Variants in OR3A2 observed in about 807,000 individuals in gnomAD.
OR3A2 encodes olfactory receptor family 3 subfamily A member 2.
For synonymous variants in OR3A2, 126 were observed against 159.3 expected (o/e 0.79, Z 1.57); for missense variants, 318 against 392.8 (o/e 0.81, Z 1.61).
intron 2 of OR3A2, among the ~76,000 whole-genome samples, chr17:3,366,040 T>C (rs1025247779): frequency 6.6e-6 from 1 of 152,170 alleles, no homozygotes; most frequent in African/African-American, 2.4e-5. Flanking sequence ...GTCCTGTGTA[T>C]GTTCACTCAA....
intron 3 of OR3A2, among the ~76,000 whole-genome samples, chr17:3,307,193 T>C (rs1416413986): frequency 6.6e-5 from 10 of 152,188 alleles, no homozygotes; most frequent in Non-Finnish European, 1.5e-5. Flanking sequence ...TCATAGGCAG[T>C]TTCTGGAAAG....
intron 3 of OR3A2, among the ~76,000 whole-genome samples, chr17:3,302,806 C>T (rs2048975176): frequency 6.6e-6 from 1 of 152,156 alleles, no homozygotes; most frequent in South Asian, 2.1e-4. Context: ...CTGTCATGCA[C>T]TGTGTGAGCC....
chr17:3,296,685 T>C (rs185119942), intron 3 of OR3A2, among the ~76,000 whole-genome samples: 370 of 152,248 alleles, frequency 2.4e-3, no homozygotes, highest in Non-Finnish European at 4.2e-3. Flanking sequence ...AAATTGGACA[T>C]AATTGGTAAA....
At chr17:3,287,773 T>A (rs9303169), upstream of OR3A2, among the ~76,000 whole-genome samples, 1 of 151,924 alleles carries the variant, frequency 6.6e-6, no homozygotes, top group Non-Finnish European at 1.5e-5. Flanking sequence ...GGTGGCAGCA[T>A]TGGTCTCAGT....
intron 2 of OR3A2, among the ~76,000 whole-genome samples, chr17:3,347,050 T>C (rs945733870): frequency 3.9e-5 from 6 of 152,172 alleles, no homozygotes; most frequent in African/African-American, 9.6e-5. Flanking sequence ...TTTTGATATA[T>C]ACGTAGCAGC....
chr17:3,278,555 C>T, exon 2 of OR3A2: 1 of 1,612,318 alleles, frequency 6.2e-7, no homozygotes, highest in South Asian at 1.1e-5. Flanking sequence ...GGTCATAGGC[C>T]ATGGCGGTCA....
At chr17:3,359,100 C>T (rs924692042) in intron 2 of OR3A2, among the ~76,000 whole-genome samples, 1 of 151,788 alleles carries the variant, frequency 6.6e-6, no homozygotes, top group African/African-American at 2.4e-5. Flanking sequence ...AGGATTGCAA[C>T]CCCTGCTTCC....
chr17:3,371,996 T>A (rs1169250761), intron 2 of OR3A2, among the ~76,000 whole-genome samples: 2 of 90,056 alleles, frequency 2.2e-5, no homozygotes, highest in African/African-American at 1.0e-4. Context: ...ACGGGGTGGC[T>A]GCCGGGCAGA....
At chr17:3,359,870 G>A (rs375625754) in intron 2 of OR3A2, among the ~76,000 whole-genome samples, 16 of 151,750 alleles carry the variant, frequency 1.1e-4, no homozygotes, top group East Asian at 3.9e-4. Flanking sequence ...GAGTAGTGCC[G>A]CAATAAACAT....
At chr17:3,344,798 C>A (rs2049348694) in intron 2 of OR3A2, among the ~76,000 whole-genome samples, 1 of 152,158 alleles carries the variant, frequency 6.6e-6, no homozygotes, top group African/African-American at 2.4e-5. Flanking sequence ...GGAAGGGCAT[C>A]TGACCCAAGT....
At chr17:3,341,516 C>G (rs1437564556) in intron 2 of OR3A2, among the ~76,000 whole-genome samples, 2 of 152,148 alleles carry the variant, frequency 1.3e-5, no homozygotes, top group East Asian at 3.8e-4. Context: ...TTCTCCTTCA[C>G]TTATGAAGCT....
Position 3,311,813 on chromosome 17 carries a change from GGATTGGGATCCTCA to G in OR3A2, c.-85+24206_-85+24219del. On this transcript the variant is annotated intron_variant, in intron 3 of 4. Transcript: ENST00000573491. The surrounding 1 kb of genome is among the most constrained non-coding windows in gnomAD (Gnocchi z 4.6). ...GTCTCAGCCTCAGACAAAGATAAGG[GGATTGGGATCCTCA>G]ACACTATCCTCAGTCCCATGCTGAA... 2 of 197,696 alleles carry G rather than the reference GGATTGGGATCCTCA, an allele frequency of 1.0e-5. No homozygotes were observed. Among genetic ancestry groups the G allele is most frequent in the Non-Finnish European group, 2.1e-5 (2 of 93,832 alleles). The allele number at this position is 197,696 out of a possible 1,614,324, so 12.2% of individuals were successfully genotyped here.
chr17:3,277,217 T>C (rs62089496), exon 2 of OR3A2: 30,009 of 151,894 alleles, frequency 0.2, 3,906 homozygotes, highest in African/African-American at 0.35. Context: ...TCAGCCACCC[T>C]GCGCCCAGTC....
In OR3A2 at chr17:3,382,603, C is replaced by A. The variant is rs115367966; in HGVS notation, c.-179+1201G>T. On this transcript the variant is annotated intron_variant, in intron 2 of 4. Transcript: ENST00000573491. ...TGTCCTATTTTCCTCCCTGACCCCA[C>A]GTCCAAACTCTGCCTTACAGCACTA... 5.2e-3 allele frequency among the ~76,000 whole-genome samples: 789 copies of A among 152,332 alleles called. 8 individuals carry two copies. Among genetic ancestry groups the A allele is most frequent in the African/African-American group, 0.018 (757 of 41,564 alleles).
chr17:3,299,268 G>GA (rs1225195005), intron 3 of OR3A2, among the ~76,000 whole-genome samples: 2 of 152,162 alleles, frequency 1.3e-5, no homozygotes, highest in Non-Finnish European at 2.9e-5. Flanking sequence ...GGCTTGCCCT[G>GA]GAGGTGAGAA....
intron 2 of OR3A2, among the ~76,000 whole-genome samples, chr17:3,347,396 C>G: frequency 6.6e-6 from 1 of 152,088 alleles, no homozygotes; most frequent in Non-Finnish European, 1.5e-5. Context: ...CCTCCCCTCT[C>G]CCCCGGCCCC....
intron 2 of OR3A2, among the ~76,000 whole-genome samples, chr17:3,358,777 T>C (rs1302456642): frequency 6.6e-6 from 1 of 151,832 alleles, no homozygotes; most frequent in African/African-American, 2.4e-5. Context: ...CAGAGTTTTG[T>C]ATAGAAGTCT....
Position 3,367,599 on chromosome 17 carries a change from G to GTATATATAATATATATA in OR3A2, c.-179+16204_-179+16205insTATATATATTATATATA, listed in dbSNP as rs201439962. Among the ~76,000 whole-genome samples, 179 of 85,960 alleles carry GTATATATAATATATATA rather than the reference G, an allele frequency of 2.1e-3. 5 individuals carry two copies. The highest frequency in any genetic ancestry group is 8.3e-3 in the African/African-American group (165 of 19,802). 56.4% of individuals were successfully genotyped at this position (85,960 alleles called of 152,430 possible). On this transcript the variant is annotated intron_variant, in intron 2 of 4. Coordinates refer to the OR3A2 transcript ENST00000573491. ...GGTGTATATGTATATGTGTGTGTGT[G>GTATATATAATATATATA]TGTATATATATATATATATATATGC... is the stretch of plus-strand genomic sequence containing the variant.
intron 3 of OR3A2, among the ~76,000 whole-genome samples, chr17:3,315,257 C>T (rs931449261): frequency 6.6e-6 from 1 of 152,212 alleles, no homozygotes; most frequent in East Asian, 1.9e-4. Context: ...TTTGAGAAAT[C>T]TCCAGACTGC....
Sources: allele counts gnomAD v4.1 joint callset (sites outside exome capture counted in the v4.1 genomes callset), GRCh38; gene constraint gnomAD v4.1.1; non-coding constraint Gnocchi (gnomAD v3.1); transcripts MANE v1.5; gene names NCBI Gene and HGNC (gene_info 2026-07-23, HGNC 2026-07-21).